The following ST6GALNAC5 variants were observed in gnomAD, a reference collection of about 807,000 sequenced individuals.
The protein encoded by ST6GALNAC5 is alpha-N-acetylgalactosaminide alpha-2,6-sialyltransferase 5.
In ST6GALNAC5, 27 loss-of-function variants were observed where a neutral mutation model predicts 33.6. The observed-to-expected ratio is 0.80, with a 90% CI of 0.59 to 1.11. ST6GALNAC5 has a LOEUF of 1.11. ST6GALNAC5 is among the 50% of genes least tolerant of loss of function. The pLI is 0.00. For missense variants in ST6GALNAC5, 428 were observed against 454.0 expected (o/e 0.94, Z 0.52); for synonymous variants, 194 against 171.2 (o/e 1.13, Z -1.04).
intron 4 of ST6GALNAC5, among the ~76,000 whole-genome samples, chr1:77,056,969 G>T (rs1570146648): frequency 6.6e-6 from 1 of 152,312 alleles, no homozygotes; most frequent in African/African-American, 2.4e-5. Flanking sequence ...ACAGATGCTT[G>T]GGAAGGACTG....
intron 2 of ST6GALNAC5, among the ~76,000 whole-genome samples, chr1:77,035,954 G>A (rs1651630292): frequency 1.3e-5 from 2 of 152,182 alleles, no homozygotes; most frequent in South Asian, 2.1e-4. Context: ...AAATTTGTAT[G>A]TGAATGTTTA....
chr1:77,021,832 T>C (rs1651064728), intron 2 of ST6GALNAC5, among the ~76,000 whole-genome samples: 1 of 152,104 alleles, frequency 6.6e-6, no homozygotes, highest in Non-Finnish European at 1.5e-5. Context: ...GGAAAACCAC[T>C]CTCTAAATCT....
intron 2 of ST6GALNAC5, among the ~76,000 whole-genome samples, chr1:76,954,105 G>T (rs958046969): frequency 1.3e-5 from 2 of 152,034 alleles, no homozygotes; most frequent in Admixed American, 1.3e-4. Context: ...CATATGGATG[G>T]TTAGAAATGA....
intron 2 of ST6GALNAC5, among the ~76,000 whole-genome samples, chr1:77,013,037 C>G (rs1344765983): frequency 6.6e-6 from 1 of 152,176 alleles, no homozygotes; most frequent in Non-Finnish European, 1.5e-5. Flanking sequence ...TGCAGTTACC[C>G]AGGCTGATAT....
chr1:76,908,025 A>C (rs9727199), intron 2 of ST6GALNAC5, among the ~76,000 whole-genome samples: 52,038 of 151,950 alleles, frequency 0.34, 10,150 homozygotes, highest in Non-Finnish European at 0.43. Flanking sequence ...ATTAGCCCAA[A>C]ATCTTTTTAA....
In ST6GALNAC5 at chr1:77,041,839, T is replaced by C. The variant is rs561533977; in HGVS notation, c.262-2365T>C. On this transcript the variant is annotated intron_variant, in intron 2 of 4. Transcript: ENST00000477717. ...TCTTTGGTAGAAGATTCTTGTCACT[T>C]TACTGCATCCACTGAGCCCAGTGCC... Among the ~76,000 whole-genome samples, 75 of 152,334 alleles carry C rather than the reference T, an allele frequency of 4.9e-4. 1 individual carries two copies. The South Asian group carries it at 0.011, about 22-fold the overall frequency.
intron 2 of ST6GALNAC5, among the ~76,000 whole-genome samples, chr1:76,891,883 G>A (rs544471454): frequency 3.9e-5 from 6 of 152,116 alleles, no homozygotes; most frequent in African/African-American, 9.6e-5. Flanking sequence ...AAAATAAACC[G>A]CATATCTATG....
chr1:76,913,769 T>C (rs537959775), intron 2 of ST6GALNAC5, among the ~76,000 whole-genome samples: 1 of 152,266 alleles, frequency 6.6e-6, no homozygotes, highest in African/African-American at 2.4e-5. Flanking sequence ...AGCATTCCCT[T>C]TGAAAACTGG....
chr1:76,923,931 C>G (rs532895793), intron 2 of ST6GALNAC5, among the ~76,000 whole-genome samples: 63 of 152,154 alleles, frequency 4.1e-4, no homozygotes, highest in Non-Finnish European at 8.4e-4. Flanking sequence ...AGAAAATATA[C>G]AGCATGCACT....
intron 2 of ST6GALNAC5, among the ~76,000 whole-genome samples, chr1:76,957,029 TAACTC>T (rs1648028534): frequency 6.6e-6 from 1 of 152,228 alleles, no homozygotes; most frequent in Non-Finnish European, 1.5e-5. Flanking sequence ...AATTTTGAAA[TAACTC>T]AAACCTGGAG....
At chr1:76,895,208 C>A (rs1449503131) in intron 2 of ST6GALNAC5, among the ~76,000 whole-genome samples, 1 of 151,928 alleles carries the variant, frequency 6.6e-6, no homozygotes, top group Non-Finnish European at 1.5e-5. Flanking sequence ...AGCTTGGGCT[C>A]AGAGGCCTGA....
At chr1:76,985,211 G>C (rs999187431) in intron 2 of ST6GALNAC5, among the ~76,000 whole-genome samples, 6 of 152,198 alleles carry the variant, frequency 3.9e-5, no homozygotes, top group Non-Finnish European at 7.3e-5. Context: ...ATTAGGAAAA[G>C]AGGAAGTCAA....
intron 2 of ST6GALNAC5, among the ~76,000 whole-genome samples, chr1:77,043,673 G>T (rs1277188003): frequency 6.6e-6 from 1 of 152,150 alleles, no homozygotes; most frequent in African/African-American, 2.4e-5. Context: ...CAGCATCCAA[G>T]AATTTTAATC....
At chr1:77,001,309 A>AT (rs1650153943) in intron 2 of ST6GALNAC5, among the ~76,000 whole-genome samples, 1 of 118,482 alleles carries the variant, frequency 8.4e-6, no homozygotes, top group Non-Finnish European at 1.8e-5. Flanking sequence ...TTGTTGGTGT[A>AT]TAAGAATGCT....
intron 2 of ST6GALNAC5, among the ~76,000 whole-genome samples, chr1:76,933,749 A>G (rs1647167616): frequency 7.1e-6 from 1 of 141,146 alleles, no homozygotes; most frequent in Non-Finnish European, 1.5e-5. Flanking sequence ...TGGCCAGTCA[A>G]TTCTTTTCTC....
intron 4 of ST6GALNAC5, among the ~76,000 whole-genome samples, chr1:77,056,296 A>G (rs1158321868): frequency 6.6e-6 from 1 of 152,228 alleles, no homozygotes; most frequent in Non-Finnish European, 1.5e-5. Context: ...TTTCCAAACT[A>G]AGTTATGCTA....
chr1:77,004,342 T>C (rs1222368911), intron 2 of ST6GALNAC5, among the ~76,000 whole-genome samples: 15 of 148,924 alleles, frequency 1.0e-4, no homozygotes, highest in African/African-American at 3.6e-4. Context: ...TTCAGCTCCA[T>C]CAGCTCCTTT....
intron 2 of ST6GALNAC5, among the ~76,000 whole-genome samples, chr1:76,935,323 G>T (rs1255904458): frequency 6.6e-6 from 1 of 151,968 alleles, no homozygotes; most frequent in East Asian, 1.9e-4. Flanking sequence ...AGATTATGGG[G>T]TTTTTTCCTT....
intron 2 of ST6GALNAC5, among the ~76,000 whole-genome samples, chr1:76,950,736 C>G (rs895565313): frequency 6.6e-6 from 1 of 151,960 alleles, no homozygotes; most frequent in South Asian, 2.1e-4. Flanking sequence ...GGTAACTGAA[C>G]TGAATCTCCA....
Sources: gnomAD v4.1 joint callset for allele counts (sites outside exome capture counted in the v4.1 genomes callset) on GRCh38, gnomAD v4.1.1 for gene constraint, MANE v1.5 for transcripts, NCBI Gene and HGNC (gene_info 2026-07-23, HGNC 2026-07-21) for gene names.